Variants in FBXO38 observed in about 807,000 individuals in gnomAD.
FBXO38 encodes F-box only protein 38.
Under a neutral mutation model 131.9 loss-of-function variants are expected in FBXO38, and 53 were observed. The ratio of observed to expected loss-of-function variants is 0.40; its 90% confidence interval spans 0.32 to 0.51. The LOEUF (loss-of-function observed/expected upper bound fraction) is 0.51. FBXO38 is among the 20% of genes least tolerant of loss of function. The pLI, the probability that FBXO38 is intolerant of heterozygous loss-of-function variation, is 0.53. For missense variants in FBXO38, 1,076 were observed against 1,475.6 expected (o/e 0.73, Z 4.44); for synonymous variants, 452 against 505.6 (o/e 0.89, Z 1.42).
At chr5:148,441,893 TG>T in intron 21 of FBXO38, 75 bp from the exon 22 acceptor site, 1 of 1,307,404 alleles carries the variant, frequency 7.6e-7, no homozygotes, top group Non-Finnish European at 1.1e-6. Flanking sequence ...GACTGTCCTA[TG>T]GACCAGCTTA....
Position 148,425,657 on chromosome 5 carries a change from G to A in FBXO38, c.1874G>A (p.Arg625His), listed in dbSNP as rs756205818. The change falls in exon 14 of 22, where the codon CGT (arginine) becomes CAT (histidine). Residue 625 changes from arginine to histidine, a missense_variant. Transcript: ENST00000340253. ...AACGGTACTCGGCGTTACTCTGAAC[G>A]TGAAGAAAAAACTGGAGAGTCAGTG... ...PKNGTRRYSE[R>H]EEKTGESVQS... 1.7e-5 allele frequency: 27 copies of A among 1,613,944 alleles called. No homozygotes were observed. The highest frequency in any genetic ancestry group is 1.4e-4 in the South Asian group (13 of 91,052).
intron 17 of FBXO38, among the ~76,000 whole-genome samples, chr5:148,435,275 A>G (rs958431444): frequency 4.6e-5 from 7 of 152,138 alleles, no homozygotes; most frequent in Admixed American, 6.5e-5. Context: ...AGACCACTCA[A>G]ACTTTCTCCA....
chr5:148,390,685 T>A (rs1440445038), intron 1 of FBXO38, among the ~76,000 whole-genome samples: 1 of 152,220 alleles, frequency 6.6e-6, no homozygotes. Context: ...AGTAAATATT[T>A]GTTAACTCTC....
intron 12 of FBXO38, among the ~76,000 whole-genome samples, chr5:148,419,123 G>A (rs1292111855): frequency 6.6e-6 from 1 of 152,174 alleles, no homozygotes; most frequent in Non-Finnish European, 1.5e-5. Flanking sequence ...ATGCTGAGAA[G>A]CAAAGAATAA....
At chr5:148,435,144 T>C (rs887583384) in intron 17 of FBXO38, 3 of 152,144 alleles carry the variant, frequency 2.0e-5, no homozygotes, top group Non-Finnish European at 4.4e-5. Context: ...ATGCTAACAA[T>C]CACCTGAACC....
In FBXO38 at chr5:148,440,387, T is replaced by C; in HGVS notation, c.3171-37T>C. The stretch of plus-strand genomic sequence containing the variant: ...CTACCCGACACTAATTATTTCCAGT[T>C]TTGTAATTTTTACTTAATTTTTCCT... On this transcript the variant is annotated intron_variant, in intron 19 of 21. Transcript: ENST00000340253. The C allele has an allele frequency of 4.6e-6, 6 of 1,290,344 alleles. No individual in the cohort carries two copies. In the South Asian group the frequency reaches 6.0e-5, roughly 13 times the overall value. The allele number at this position is 1,290,344 out of a possible 1,614,324, so 79.9% of individuals were successfully genotyped here.
chr5:148,407,829 G>A (rs932877984), intron 7 of FBXO38, among the ~76,000 whole-genome samples: 7 of 152,092 alleles, frequency 4.6e-5, no homozygotes, highest in African/African-American at 1.4e-4. Context: ...GGAGGCTGAG[G>A]CAGGAGAATG....
At chr5:148,412,512 A>T (rs1277772717) in intron 9 of FBXO38, among the ~76,000 whole-genome samples, 1 of 152,158 alleles carries the variant, frequency 6.6e-6, no homozygotes, top group Non-Finnish European at 1.5e-5. Context: ...CCAAAGATGA[A>T]TCTTTAGAGA....
rs1289304526 is a variant in FBXO38 at position 148,413,641 on chromosome 5, TA to T, written c.1094-494del. On this transcript the variant is annotated intron_variant, in intron 9 of 21. Coordinates refer to ENST00000340253, the MANE Select transcript of FBXO38 (RefSeq NM_205836.3). Reference sequence around the variant, plus strand: ...TGTGTTTGAGTTAGAAGTGCACTTTTAGGGTATAGATAGATGTTACTAACCA... The same window carrying T: ...TGTGTTTGAGTTAGAAGTGCACTTTTGGGTATAGATAGATGTTACTAACCA... 2.6e-5 allele frequency: 4 copies of T among 152,400 alleles called. No homozygotes were observed. In the East Asian group the frequency reaches 7.7e-4, roughly 29 times the overall value. The allele number at this position is 152,400 out of a possible 1,614,324, so 9.4% of individuals were successfully genotyped here. A position where few individuals can be genotyped will look rare whatever the true frequency, so the allele number is the denominator to read the frequency against.
intron 2 of FBXO38, 123 bp from the exon 3 acceptor site, chr5:148,398,876 C>A (rs1290500531): frequency 8.9e-6 from 10 of 1,125,920 alleles, no homozygotes; most frequent in Non-Finnish European, 1.3e-5. Context: ...AGCTTTAAAT[C>A]TCTGTCTTAA....
intron 10 of FBXO38, among the ~76,000 whole-genome samples, chr5:148,414,946 A>C (rs937942348): frequency 2.0e-5 from 3 of 152,162 alleles, no homozygotes; most frequent in Non-Finnish European, 4.4e-5. Context: ...ACTTGTGACA[A>C]AGCCTCTCAC....
chr5:148,398,972 A>T (rs764038838), intron 2 of FBXO38, 27 bp from the exon 3 acceptor site: 1 of 1,612,278 alleles, frequency 6.2e-7, no homozygotes, highest in Non-Finnish European at 8.5e-7. Flanking sequence ...TCCACTTGAT[A>T]AATACGAGTT....
At position 148,433,527 on chromosome 5, in the gene FBXO38, A is replaced by G; in HGVS notation, c.2754+3A>G. The G allele has an allele frequency of 6.2e-7, 1 of 1,607,216 alleles. No homozygotes were observed. Among genetic ancestry groups the G allele is most frequent in the South Asian group, 1.1e-5 (1 of 90,476 alleles). On this transcript the variant is annotated splice_donor_region_variant and intron_variant, in intron 16 of 21. Transcript: ENST00000340253. ...TGATCGAGGATGACCATGTGCAGGT[A>G]GAGAAAAAACCCTCACTTACCTTTA... is the stretch of plus-strand genomic sequence containing the variant.
intron 12 of FBXO38, among the ~76,000 whole-genome samples, chr5:148,422,645 T>G (rs572714419): frequency 6.6e-6 from 1 of 152,352 alleles, no homozygotes; most frequent in Non-Finnish European, 1.5e-5. Context: ...TCAGTAAGTA[T>G]TCAAATGAAT....
chr5:148,410,280 G>T (rs1007654087), intron 8 of FBXO38: 26 of 197,934 alleles, frequency 1.3e-4, no homozygotes, highest in Non-Finnish European at 1.8e-4. Flanking sequence ...GAATCATGGG[G>T]GTGGTCTTTC....
intron 3 of FBXO38, among the ~76,000 whole-genome samples, chr5:148,400,822 ACT>A (rs962013282): frequency 3.3e-5 from 5 of 151,904 alleles, no homozygotes; most frequent in Non-Finnish European, 5.9e-5. Context: ...AAGCTCTTAA[ACT>A]CTCTCAACTT....
In FBXO38 at chr5:148,435,493, C is replaced by T. The variant is rs1036191249; in HGVS notation, c.2857+1756C>T. Among the ~76,000 whole-genome samples the T allele has an allele frequency of 3.3e-5, 5 of 152,258 alleles. No homozygotes were observed. In the Middle Eastern group the frequency reaches 0.01, roughly 311 times the overall value. On this transcript the variant is annotated intron_variant, in intron 17 of 21. Transcript: ENST00000340253. ...TTTTATTTAAAGTGAGATTTGTGGC[C>T]GGGCGCAGTGCTTTACGCCTGTAAT...
chr5:148,426,352 T>C (rs1243517012), intron 14 of FBXO38, among the ~76,000 whole-genome samples: 1 of 152,224 alleles, frequency 6.6e-6, no homozygotes, highest in Non-Finnish European at 1.5e-5. Flanking sequence ...TATTTTTGAA[T>C]GTTCAAAACA....
At chr5:148,419,598 G>A (rs1012308372) in intron 12 of FBXO38, among the ~76,000 whole-genome samples, 3 of 152,104 alleles carry the variant, frequency 2.0e-5, no homozygotes, top group Non-Finnish European at 4.4e-5. Context: ...AACTTTTCAC[G>A]TCTGGGCCAG....
Sources: gnomAD v4.1 joint callset for allele counts (sites outside exome capture counted in the v4.1 genomes callset) on GRCh38, gnomAD v4.1.1 for gene constraint, MANE v1.5 for transcripts, NCBI Gene and HGNC (gene_info 2026-07-23, HGNC 2026-07-21) for gene names.